REEP3: variants seen among roughly 807,000 people sequenced by gnomAD.
The protein encoded by REEP3 is receptor expression-enhancing protein 3.
REEP3 carries 20 observed loss-of-function variants against 41.3 expected under a neutral mutation model. That is an observed-to-expected ratio of 0.48 (90% confidence interval 0.34 to 0.70). The LOEUF is 0.70. Among genes scored for constraint, REEP3 ranks in the 30% least tolerant of loss-of-function variants. REEP3 has a pLI of 0.01. For missense variants in REEP3, 271 were observed against 308.8 expected (o/e 0.88, Z 0.92); for synonymous variants, 104 against 101.8 (o/e 1.02, Z -0.13).
chr10:63,594,184 G>A (rs1956091465), intron 2 of REEP3, among the ~76,000 whole-genome samples: 1 of 149,416 alleles, frequency 6.7e-6, no homozygotes, highest in African/African-American at 2.5e-5. Context: ...TCCGATACCA[G>A]CAGGGCAACA....
intron 2 of REEP3, among the ~76,000 whole-genome samples, chr10:63,593,041 C>T (rs1370919901): frequency 4.0e-5 from 6 of 151,654 alleles, no homozygotes; most frequent in East Asian, 1.9e-4. Context: ...GGGCCGGGCG[C>T]GGTGGCTCAC....
chr10:63,556,613 T>TG (rs1589865544), intron 1 of REEP3, among the ~76,000 whole-genome samples: 7 of 4,984 alleles, frequency 1.4e-3, no homozygotes, highest in East Asian at 0.062. Context: ...TCTGTTTGCT[T>TG]GTTTTTTTTT....
At chr10:63,581,091 A>G (rs959974505) in intron 2 of REEP3, among the ~76,000 whole-genome samples, 1 of 152,258 alleles carries the variant, frequency 6.6e-6, no homozygotes, top group African/African-American at 2.4e-5. Context: ...TATATTATTT[A>G]TGCAATGACA....
chr10:63,564,147 A>G (rs980175086), intron 1 of REEP3, among the ~76,000 whole-genome samples: 1 of 152,228 alleles, frequency 6.6e-6, no homozygotes, highest in African/African-American at 2.4e-5. Context: ...TAAGATGTTA[A>G]TAATAGGGGA....
intron 1 of REEP3, among the ~76,000 whole-genome samples, chr10:63,564,938 T>A (rs1955782790): frequency 6.6e-6 from 1 of 152,146 alleles, no homozygotes; most frequent in Admixed American, 6.5e-5. Context: ...TAAAGGAACG[T>A]CAATGTGTGA....
Position 63,602,423 on chromosome 10 carries a change from A to G in REEP3, c.417+3140A>G, listed in dbSNP as rs576403279. On this transcript the variant is annotated intron_variant, in intron 5 of 7. Coordinates refer to ENST00000373758, the MANE Select transcript of REEP3 (RefSeq NM_001001330.3). The stretch of plus-strand genomic sequence containing the variant: ...ATTTTTGATTTTGCAAATCAAGTGC[A>G]TGTATTTATTTACACCCAATGAAGA... 3.3e-5 allele frequency among the ~76,000 whole-genome samples: 5 copies of G among 152,354 alleles called. No homozygotes were observed. In the South Asian group the frequency reaches 1.0e-3, roughly 32 times the overall value.
chr10:63,580,787 GGCAGGAGGATCATTTGAGCCCA>G, intron 2 of REEP3, among the ~76,000 whole-genome samples: 1 of 152,312 alleles, frequency 6.6e-6, no homozygotes, highest in African/African-American at 2.4e-5. Context: ...GGGAGGCCAA[GGCAGGAGGATCATTTGAGCCCA>G]GCAGACCAGC....
At chr10:63,607,463 C>T (rs1353467016) in intron 5 of REEP3, among the ~76,000 whole-genome samples, 1 of 152,146 alleles carries the variant, frequency 6.6e-6, no homozygotes. Flanking sequence ...TTATTCTGAA[C>T]CTGAAGCAAA....
Position 63,522,349 on chromosome 10 carries a change from C to CT in REEP3, c.32+773dup, listed in dbSNP as rs527951604. On this transcript the variant is annotated intron_variant, in intron 1 of 7. Transcript: ENST00000373758. ...ATTATGGGTTCATTTCATTGTTCTC[C>CT]TACCAACAAGTGCTACAGGTCTGTA... is the stretch of plus-strand genomic sequence containing the variant. 3.2e-3 allele frequency among the ~76,000 whole-genome samples: 489 copies of CT among 152,246 alleles called. 1 individual carries two copies. Among genetic ancestry groups the CT allele is most frequent in the African/African-American group, 0.011 (474 of 41,536 alleles).
rs1189999332 is a variant in REEP3, at chr10:63,545,971, G to T, written c.33-20367G>T. On this transcript the variant is annotated intron_variant, in intron 1 of 7. Coordinates refer to ENST00000373758, the MANE Select transcript of REEP3 (RefSeq NM_001001330.3). ...AGTGGATATTTGAACAGAGTTAAAG[G>T]TGAAGGCATTAGCCACACAGATTCT... Among the ~76,000 whole-genome samples the T allele has an allele frequency of 2.6e-5, 4 of 152,166 alleles. No individual in the cohort carries two copies. In the East Asian group the frequency reaches 7.7e-4, roughly 29 times the overall value.
intron 1 of REEP3, among the ~76,000 whole-genome samples, chr10:63,539,627 T>A (rs1329741440): frequency 6.6e-6 from 1 of 152,188 alleles, no homozygotes; most frequent in African/African-American, 2.4e-5. Flanking sequence ...ACCCCATCTC[T>A]TTAAAAAAAT....
At chr10:63,545,795 C>G (rs1007164005) in intron 1 of REEP3, among the ~76,000 whole-genome samples, 2 of 141,640 alleles carry the variant, frequency 1.4e-5, no homozygotes, top group Non-Finnish European at 1.5e-5. Context: ...TCGAGTGATT[C>G]TTACAGGCGT....
chr10:63,616,087 C>G (rs1956310200), intron 6 of REEP3, among the ~76,000 whole-genome samples: 1 of 152,206 alleles, frequency 6.6e-6, no homozygotes, highest in Non-Finnish European at 1.5e-5. Context: ...CCCCGAGCCT[C>G]CAGAGGCTTC....
At chr10:63,615,941 A>G (rs932762612) in intron 6 of REEP3, among the ~76,000 whole-genome samples, 7 of 152,128 alleles carry the variant, frequency 4.6e-5, no homozygotes, top group Non-Finnish European at 8.8e-5. Flanking sequence ...CTGCTATACT[A>G]CAGTAACCTC....
At chr10:63,606,970 A>T (rs770136403) in intron 5 of REEP3, among the ~76,000 whole-genome samples, 147 of 152,308 alleles carry the variant, frequency 9.7e-4, no homozygotes, top group Non-Finnish European at 1.8e-3. Flanking sequence ...GGGTAGAGGG[A>T]AGATATCTCC....
At chr10:63,553,379 G>A (rs1955647594) in intron 1 of REEP3, among the ~76,000 whole-genome samples, 1 of 152,124 alleles carries the variant, frequency 6.6e-6, no homozygotes, top group Non-Finnish European at 1.5e-5. Context: ...CAAGTTCACT[G>A]ATGTATCCCT....
intron 1 of REEP3, among the ~76,000 whole-genome samples, chr10:63,556,621 TTTTTG>T (rs1955685499): frequency 3.0e-4 from 1 of 3,284 alleles, no homozygotes; most frequent in African/African-American, 4.1e-4. Flanking sequence ...CTTGTTTTTT[TTTTTG>T]TTGTTTTGTT....
At chr10:63,612,838 ATATAT>A (rs1366749097) in intron 6 of REEP3, among the ~76,000 whole-genome samples, 4 of 152,112 alleles carry the variant, frequency 2.6e-5, no homozygotes, top group African/African-American at 9.7e-5. Context: ...AGTCTGCTAC[ATATAT>A]TATATTTTGC....
intron 1 of REEP3, among the ~76,000 whole-genome samples, chr10:63,559,325 C>A (rs764796114): frequency 7.9e-5 from 12 of 152,066 alleles, no homozygotes; most frequent in Non-Finnish European, 1.8e-4. Flanking sequence ...TAATCCATAC[C>A]TTATTACCTT....
Sources: gnomAD v4.1 joint callset for allele counts (sites outside exome capture counted in the v4.1 genomes callset) on GRCh38, gnomAD v4.1.1 for gene constraint, MANE v1.5 for transcripts, NCBI Gene and HGNC (gene_info 2026-07-23, HGNC 2026-07-21) for gene names.